Variants in NCKAP5 observed in about 807,000 individuals in gnomAD.
The protein encoded by NCKAP5 is NCK associated protein 5.
In NCKAP5, 92 loss-of-function variants were observed where a neutral mutation model predicts 167.0. The observed-to-expected ratio is 0.55, with a 90% CI of 0.47 to 0.66. The LOEUF is 0.66. NCKAP5 is among the 30% of genes least tolerant of loss of function. The pLI is 0.00. For missense variants in NCKAP5, 2,378 were observed against 2,315.0 expected, an observed-to-expected ratio of 1.03 and a Z score of -0.56; for synonymous variants, 891 against 877.4, an observed-to-expected ratio of 1.02 and a Z score of -0.27.
At chr2:133,357,984 C>A (rs1021972617) in intron 3 of NCKAP5, among the ~76,000 whole-genome samples, 5 of 152,290 alleles carry the variant, frequency 3.3e-5, no homozygotes, top group African/African-American at 4.8e-5. Flanking sequence ...AGCCTCTGTA[C>A]TTGTGCTCAC....
At chr2:133,371,052 G>T (rs1685776167) in intron 3 of NCKAP5, among the ~76,000 whole-genome samples, 1 of 152,136 alleles carries the variant, frequency 6.6e-6, no homozygotes, top group Non-Finnish European at 1.5e-5. Flanking sequence ...ATAAATCTTT[G>T]CTTCTCAACA....
In NCKAP5 at chr2:133,470,480, C is replaced by T. The variant is rs963159301; in HGVS notation, c.69+46978G>A. Among the ~76,000 whole-genome samples the T allele has an allele frequency of 3.5e-4, 54 of 152,212 alleles. 1 individual carries two copies. The highest frequency in any genetic ancestry group is 3.5e-3 in the Admixed American group (54 of 15,286). On this transcript the variant is annotated intron_variant, in intron 3 of 19. Transcript: ENST00000409261. ...TGTCTTTTTGTTTGTCTGTGCCCTGCCCCCAGAGGTGGAGCCTACAGAGGC... is the reference window on the plus strand; with the variant it reads ...TGTCTTTTTGTTTGTCTGTGCCCTGTCCCCAGAGGTGGAGCCTACAGAGGC...
intron 6 of NCKAP5, among the ~76,000 whole-genome samples, chr2:133,009,976 C>T: frequency 6.6e-6 from 1 of 151,706 alleles, no homozygotes; most frequent in East Asian, 1.9e-4. Flanking sequence ...GAGGCTGAGG[C>T]AGGAGAATGG....
intron 6 of NCKAP5, among the ~76,000 whole-genome samples, chr2:133,087,511 G>A (rs1291714401): frequency 6.6e-6 from 1 of 152,184 alleles, no homozygotes; most frequent in Non-Finnish European, 1.5e-5. Context: ...GATGAAATGT[G>A]TTGTTTCTTA....
chr2:133,141,148 C>T (rs1254683565), intron 5 of NCKAP5, among the ~76,000 whole-genome samples: 1 of 152,044 alleles, frequency 6.6e-6, no homozygotes, highest in Admixed American at 6.6e-5. Context: ...TTTAGAAACT[C>T]CACAGATACA....
chr2:132,915,604 G>C (rs1315128401), intron 8 of NCKAP5: 5 of 152,186 alleles, frequency 3.3e-5, no homozygotes, highest in Admixed American at 3.3e-4. Flanking sequence ...GGGGTGCCCC[G>C]AGTAGCAGTC....
chr2:133,126,237 G>A (rs1171728217), intron 6 of NCKAP5, among the ~76,000 whole-genome samples: 2 of 152,124 alleles, frequency 1.3e-5, no homozygotes, highest in African/African-American at 4.8e-5. Flanking sequence ...CTGAAGCTGA[G>A]ACTGGGAATC....
intron 8 of NCKAP5, among the ~76,000 whole-genome samples, chr2:132,902,060 A>G (rs1392970256): frequency 6.6e-6 from 1 of 152,214 alleles, no homozygotes; most frequent in Non-Finnish European, 1.5e-5. Context: ...CCACTTATCA[A>G]TATTCATATA....
chr2:133,614,484 G>A, the NCKAP5 span, among the ~76,000 whole-genome samples: 5 of 151,934 alleles, frequency 3.3e-5, no homozygotes, highest in Admixed American at 6.6e-5. Flanking sequence ...ACCAAGGCTC[G>A]AGAACTACGT....
chr2:132,692,775 G>A (rs1686892874), intron 19 of NCKAP5, among the ~76,000 whole-genome samples: 1 of 152,174 alleles, frequency 6.6e-6, no homozygotes, highest in African/African-American at 2.4e-5. Context: ...CTGCTTGGTA[G>A]TTATTACACG....
intron 2 of NCKAP5, among the ~76,000 whole-genome samples, chr2:133,549,105 A>C (rs2104939181): frequency 6.6e-6 from 1 of 150,950 alleles, no homozygotes; most frequent in Middle Eastern, 3.4e-3. Context: ...CAGACTTTAA[A>C]CCAACAAAGA....
At chr2:132,822,685 C>T (rs554870622) in intron 11 of NCKAP5, among the ~76,000 whole-genome samples, 1 of 152,098 alleles carries the variant, frequency 6.6e-6, no homozygotes, top group Non-Finnish European at 1.5e-5. Context: ...ACCAGCTCCC[C>T]AGCAATGGAT....
chr2:133,153,653 G>C (rs1014536352), intron 5 of NCKAP5, among the ~76,000 whole-genome samples: 3 of 151,566 alleles, frequency 2.0e-5, no homozygotes, highest in African/African-American at 7.3e-5. Flanking sequence ...CATCAATCCA[G>C]CCCCATCTTT....
intron 6 of NCKAP5, among the ~76,000 whole-genome samples, chr2:133,094,901 G>A (rs772265264): frequency 6.6e-6 from 1 of 152,128 alleles, no homozygotes; most frequent in Non-Finnish European, 1.5e-5. Flanking sequence ...ATGACCCCTA[G>A]AAGTTTAGAG....
At chr2:132,956,794 T>C (rs1449989948) in intron 8 of NCKAP5, among the ~76,000 whole-genome samples, 1 of 152,164 alleles carries the variant, frequency 6.6e-6, no homozygotes, top group Non-Finnish European at 1.5e-5. Context: ...CTGTGATCCA[T>C]CTTGCTGGTG....
intron 8 of NCKAP5, chr2:132,929,916 G>A (rs1181196586): frequency 2.6e-5 from 4 of 152,096 alleles, no homozygotes; most frequent in African/African-American, 7.2e-5. Flanking sequence ...TCAGAGATAC[G>A]AGTCGTGGGC....
chr2:132,873,002 A>G lies in NCKAP5; in HGVS notation c.649-4028T>C, dbSNP rs1010540642. Among the ~76,000 whole-genome samples the G allele has an allele frequency of 2.6e-5, 4 of 152,236 alleles. No homozygotes were observed. The South Asian group carries it at 8.3e-4, about 32-fold the overall frequency. ...CATAATCAGCGAAACCACCTAGGAC[A>G]GGACTTGATATAAAGCCGTCACCCC... is the stretch of plus-strand genomic sequence containing the variant. On this transcript the variant is annotated intron_variant, in intron 9 of 19. Transcript: ENST00000409261.
At chr2:133,179,021 A>C (rs1344735906) in intron 5 of NCKAP5, among the ~76,000 whole-genome samples, 2 of 152,004 alleles carry the variant, frequency 1.3e-5, no homozygotes, top group East Asian at 3.9e-4. Context: ...TTTAAAAATT[A>C]TCTGAGCTTG....
At chr2:132,816,695 G>C (rs1253270070) in intron 11 of NCKAP5, among the ~76,000 whole-genome samples, 1 of 152,156 alleles carries the variant, frequency 6.6e-6, no homozygotes, top group African/African-American at 2.4e-5. Context: ...TGATCTGGAA[G>C]CTAACTGGAT....
Sources: gnomAD v4.1 joint callset for allele counts (sites outside exome capture counted in the v4.1 genomes callset) on GRCh38, gnomAD v4.1.1 for gene constraint, MANE v1.5 for transcripts, NCBI Gene and HGNC (gene_info 2026-07-23, HGNC 2026-07-21) for gene names.